C19orf38: variants seen among roughly 807,000 people sequenced by gnomAD.
The protein encoded by C19orf38 is chromosome 19 open reading frame 38.
Under a neutral mutation model 26.6 loss-of-function variants are expected in C19orf38, and 14 were observed. The observed-to-expected ratio is 0.53, with a 90% CI of 0.35 to 0.82. C19orf38 has a LOEUF of 0.82. Among genes scored for constraint, C19orf38 ranks in the 40% least tolerant of loss-of-function variants. The pLI is 0.01. For missense variants in C19orf38, 261 were observed against 299.5 expected (o/e 0.87, Z 0.95); for synonymous variants, 132 against 128.5 (o/e 1.03, Z -0.18).
At chr19:10,850,790 A>T (rs1405592825) in intron 2 of C19orf38, among the ~76,000 whole-genome samples, 1 of 152,120 alleles carries the variant, frequency 6.6e-6, no homozygotes, top group African/African-American at 2.4e-5. Flanking sequence ...GTATGGCTAG[A>T]TCCAGGTGCT....
At chr19:10,844,171 C>T (rs2073498438), upstream of C19orf38, among the ~76,000 whole-genome samples, 1 of 150,728 alleles carries the variant, frequency 6.6e-6, no homozygotes, top group African/African-American at 2.4e-5. Flanking sequence ...CTTTGGGAGG[C>T]TGAGGTGGGT....
intron 1 of C19orf38, chr19:10,841,949 G>A: frequency 1.2e-6 from 2 of 1,609,242 alleles, no homozygotes; most frequent in Non-Finnish European, 1.7e-6. Flanking sequence ...CGAATGGGAA[G>A]CCAAGTGCCA....
Position 10,850,289 on chromosome 19 carries a change from G to C in C19orf38, c.62G>C (p.Arg21Pro). Reference sequence around the variant, plus strand: ...TTGGCGATCCCAGCACCATCCATCCGGCTGGTGCCCCCGTACCCAAGCAGC... The same window carrying C: ...TTGGCGATCCCAGCACCATCCATCCCGCTGGTGCCCCCGTACCCAAGCAGC... Reference protein sequence around the residue: ...GSLAIPAPSIRLVPPYPSSQE... With the variant: ...GSLAIPAPSIPLVPPYPSSQE... Residue 21 changes from arginine to proline, a missense_variant, in exon 2 of 7, where the codon CGG (arginine) becomes CCG (proline). Transcript: ENST00000397820. 6.4e-7 allele frequency: 1 copy of C among 1,550,616 alleles called. No homozygotes were observed. Among genetic ancestry groups the C allele is most frequent in the Non-Finnish European group, 8.7e-7 (1 of 1,146,924 alleles).
Position 10,869,385 on chromosome 19 carries a change from C to T in C19orf38, c.*18C>T. The T allele has an allele frequency of 6.5e-7, 1 of 1,540,812 alleles. No homozygotes were observed. Among genetic ancestry groups the T allele is most frequent in the Non-Finnish European group, 8.8e-7 (1 of 1,142,204 alleles). On this transcript the variant is annotated 3_prime_UTR_variant, in exon 7 of 7. Transcript: ENST00000397820. ...GCCAGTGAGGCTGAGGACTGGGGGA[C>T]CCCTCTGTCTCCAGGCATTCGGGGG... is the stretch of plus-strand genomic sequence containing the variant.
At chr19:10,843,641 T>A, upstream of C19orf38, among the ~76,000 whole-genome samples, 1 of 152,228 alleles carries the variant, frequency 6.6e-6, no homozygotes, top group East Asian at 1.9e-4. Flanking sequence ...CTCTCTTAAC[T>A]CCATCTCCTG....
At chr19:10,841,116 T>G (rs2073474659) in intron 1 of C19orf38, among the ~76,000 whole-genome samples, 1 of 152,184 alleles carries the variant, frequency 6.6e-6, no homozygotes, top group South Asian at 2.1e-4. Context: ...GTTGTTCATC[T>G]TTTTGTTGTA....
chr19:10,854,396 C>T (rs1167533454), intron 2 of C19orf38, among the ~76,000 whole-genome samples: 59 of 152,132 alleles, frequency 3.9e-4, no homozygotes, highest in Admixed American at 3.9e-3. Flanking sequence ...TTTTTCACTG[C>T]AAAAAATAAT....
At chr19:10,859,582 C>A (rs1016799880) in intron 4 of C19orf38, among the ~76,000 whole-genome samples, 5 of 151,416 alleles carry the variant, frequency 3.3e-5, no homozygotes, top group Admixed American at 2.6e-4. Context: ...CGGGGTTTCA[C>A]TGTGTTGTCC....
At position 10,869,277 on chromosome 19, in the gene C19orf38, C is replaced by G; in HGVS notation, c.603C>G (p.Thr201=). 2.6e-6 allele frequency: 4 copies of G among 1,551,718 alleles called. No individual in the cohort carries two copies. The highest frequency in any genetic ancestry group is 3.5e-6 in the Non-Finnish European group (4 of 1,146,978). The part of the protein sequence containing the change: ...TLDDHSGTTA[T]PSNSRTRKRP... ...ATGATCACTCAGGCACCACTGCCAC[C>G]CCCAGCAACTCCAGGACCCGGAAGA... Residue 201 remains threonine, a synonymous_variant, in exon 7 of 7, where the codon ACC becomes ACG. Transcript: ENST00000397820.
At chr19:10,841,845 A>G in intron 1 of C19orf38, 2 of 1,413,844 alleles carry the variant, frequency 1.4e-6, no homozygotes, top group Non-Finnish European at 2.0e-6. Context: ...GGGCATGGGA[A>G]CAATCCCATT....
chr19:10,856,214 C>A (rs765651853), intron 2 of C19orf38, 51 bp from the exon 3 acceptor site: 169 of 1,437,758 alleles, frequency 1.2e-4, no homozygotes, highest in Non-Finnish European at 1.6e-4. Context: ...TCAAAGGTAA[C>A]CTGGAGAGAC....
chr19:10,838,716 C>T (rs982847176), intron 1 of C19orf38, among the ~76,000 whole-genome samples: 3 of 152,052 alleles, frequency 2.0e-5, no homozygotes, highest in African/African-American at 7.2e-5. Context: ...AAATGGGTTG[C>T]TGGTCCATAG....
At chr19:10,856,500 A>G (rs913873436) in intron 3 of C19orf38, 143 bp downstream of exon 3, 2 of 488,230 alleles carry the variant, frequency 4.1e-6, no homozygotes, top group African/African-American at 4.1e-5. Context: ...GTATTTATTT[A>G]TTTATTTATT....
chr19:10,846,176 T>TTTCA (rs2073515120), upstream of C19orf38, among the ~76,000 whole-genome samples: 1 of 150,634 alleles, frequency 6.6e-6, no homozygotes, highest in Non-Finnish European at 1.5e-5. Flanking sequence ...AGCAAGACCC[T>TTTCA]GTCTCAAAAA....
At chr19:10,860,698 G>A (rs533567605) in intron 5 of C19orf38, among the ~76,000 whole-genome samples, 3 of 150,920 alleles carry the variant, frequency 2.0e-5, no homozygotes, top group African/African-American at 4.9e-5. Context: ...AAAATTAGGT[G>A]GGCGTGGTGG....
intron 6 of C19orf38, among the ~76,000 whole-genome samples, chr19:10,868,259 T>C (rs2073771908): frequency 6.6e-6 from 1 of 152,170 alleles, no homozygotes; most frequent in Non-Finnish European, 1.5e-5. Flanking sequence ...TCAGGTGGGA[T>C]CGATTATTTT....
upstream of C19orf38, among the ~76,000 whole-genome samples, chr19:10,846,134 A>G (rs140737891): frequency 6.6e-6 from 1 of 151,440 alleles, no homozygotes; most frequent in East Asian, 2.0e-4. Flanking sequence ...GTGAGTCATG[A>G]TCATGCTGCT....
chr19:10,848,288 G>A (rs2073534447), upstream of C19orf38: 2 of 531,232 alleles, frequency 3.8e-6, no homozygotes, highest in Non-Finnish European at 6.9e-6. Flanking sequence ...CAACCAGAGA[G>A]GTGCGCGGGT....
At chr19:10,837,205 T>G (rs1228790599) in intron 1 of C19orf38, among the ~76,000 whole-genome samples, 1 of 152,218 alleles carries the variant, frequency 6.6e-6, no homozygotes, top group Non-Finnish European at 1.5e-5. Context: ...AATAATAATC[T>G]GTTATTTGGT....
Sources: allele counts gnomAD v4.1 joint callset (sites outside exome capture counted in the v4.1 genomes callset), GRCh38; gene constraint gnomAD v4.1.1; transcripts MANE v1.5; gene names NCBI Gene and HGNC (gene_info 2026-07-23, HGNC 2026-07-21).